TUBGCP5: variants seen among roughly 807,000 people sequenced by gnomAD.
The protein encoded by TUBGCP5 is gamma-tubulin complex component 5.
TUBGCP5 carries 98 observed loss-of-function variants against 134.7 expected under a neutral mutation model. That is an observed-to-expected ratio of 0.73 (90% CI 0.62 to 0.86). The LOEUF (loss-of-function observed/expected upper bound fraction) is 0.86. Among genes scored for constraint, TUBGCP5 ranks in the 40% least tolerant of loss-of-function variants. The probability of loss-of-function intolerance (pLI) is 0.00; values close to 1 mark genes in which losing one functional copy is unlikely to be tolerated. For missense variants in TUBGCP5, 1,150 were observed against 1,244.8 expected, an observed-to-expected ratio of 0.92 and a Z score of 1.15; for synonymous variants, 456 against 431.4, an observed-to-expected ratio of 1.06 and a Z score of -0.71.
intron 1 of TUBGCP5, 99 bp downstream of exon 1, chr15:23,039,299 C>T (rs2066781063): frequency 8.3e-7 from 1 of 1,207,632 alleles, no homozygotes; most frequent in East Asian, 3.5e-5. Context: ...GCCTCCGCCC[C>T]ATGCCCTGCC....
downstream of TUBGCP5, among the ~76,000 whole-genome samples, chr15:22,998,686 C>A (rs1567091709): frequency 6.6e-6 from 1 of 151,368 alleles, no homozygotes; most frequent in Non-Finnish European, 1.5e-5. Context: ...ACAATCTAGG[C>A]TCACCGCAAC....
At chr15:23,018,306 TAGA>T (rs1169383025) in intron 12 of TUBGCP5, among the ~76,000 whole-genome samples, 1 of 152,224 alleles carries the variant, frequency 6.6e-6, no homozygotes, top group Non-Finnish European at 1.5e-5. Flanking sequence ...TGGTCCTCTT[TAGA>T]AGAAGAATAA....
chr15:23,031,741 T>C (rs2066325076), intron 5 of TUBGCP5, among the ~76,000 whole-genome samples: 1 of 152,168 alleles, frequency 6.6e-6, no homozygotes, highest in Non-Finnish European at 1.5e-5. Flanking sequence ...AGATTACAGA[T>C]GTGAGCCACC....
downstream of TUBGCP5, among the ~76,000 whole-genome samples, chr15:22,994,331 C>T (rs2063973649): frequency 6.6e-6 from 1 of 150,392 alleles, no homozygotes; most frequent in Non-Finnish European, 1.5e-5. Flanking sequence ...CTCCAATAAT[C>T]CGCCTGCCTT....
intron 8 of TUBGCP5, 124 bp from the exon 9 acceptor site, chr15:23,024,954 T>C (rs1595888067): frequency 1.6e-6 from 1 of 617,312 alleles, no homozygotes; most frequent in Non-Finnish European, 2.9e-6. Context: ...CAGGCTGGAG[T>C]GCAGCAGCAT....
intron 23 of TUBGCP5, among the ~76,000 whole-genome samples, chr15:22,987,893 C>G (rs1767068010): frequency 1.3e-5 from 1 of 79,928 alleles, no homozygotes; most frequent in South Asian, 5.5e-4. Context: ...GAGACTCCAT[C>G]TCAAAAAAAA....
intron 10 of TUBGCP5, chr15:23,023,170 G>A (rs1450824092): frequency 1.3e-5 from 2 of 151,990 alleles, no homozygotes; most frequent in African/African-American, 4.8e-5. Context: ...TGTCTCTATT[G>A]AAAATACAAA....
intron 23 of TUBGCP5, among the ~76,000 whole-genome samples, chr15:22,989,978 C>A (rs1002448822): frequency 6.6e-6 from 1 of 152,186 alleles, no homozygotes; most frequent in Non-Finnish European, 1.5e-5. Context: ...GGATCTCTCA[C>A]CTCCTGCCCT....
intron 20 of TUBGCP5, among the ~76,000 whole-genome samples, chr15:23,003,779 A>C (rs2064541083): frequency 6.6e-6 from 1 of 151,780 alleles, no homozygotes; most frequent in African/African-American, 2.4e-5. Flanking sequence ...CAGCCTCCCA[A>C]GTAGCTGGGC....
chr15:23,039,474 G>T lies in TUBGCP5; in HGVS notation c.70C>A (p.Arg24=). 6.5e-7 allele frequency: 1 copy of T among 1,533,654 alleles called. No individual in the cohort carries two copies. The highest frequency in any genetic ancestry group is 1.2e-5 in the South Asian group (1 of 82,332). The change falls in exon 1 of 23, where the codon CGG becomes AGG. Residue 24 remains arginine (R), a synonymous_variant. Coordinates refer to ENST00000615383, the MANE Select transcript of TUBGCP5 (RefSeq NM_052903.6). ...QQERDVRELV[R]GVAGLQDEAD... ...TCGTCCTGGAGGCCGGCGACACCCC[G>T]GACGAGCTCCCGCACGTCGCGCTCC...
chr15:23,006,387 G>C, intron 16 of TUBGCP5, 35 bp from the exon 17 acceptor site: 1 of 1,467,158 alleles, frequency 6.8e-7, no homozygotes, highest in Non-Finnish European at 9.4e-7. Context: ...GTTTGTGAAA[G>C]CACTATGTCA....
In TUBGCP5 at chr15:23,013,747, C is replaced by T. The variant is rs576311507; in HGVS notation, c.1757-2416G>A. 5.3e-5 allele frequency among the ~76,000 whole-genome samples: 8 copies of T among 152,284 alleles called. No individual in the cohort carries two copies. The highest frequency in any genetic ancestry group is 3.9e-4 in the East Asian group (2 of 5,180). On this transcript the variant is annotated intron_variant, in intron 13 of 22. Coordinates refer to ENST00000615383, the MANE Select transcript of TUBGCP5 (RefSeq NM_052903.6). The surrounding 1 kb of genome is among the most constrained non-coding windows in gnomAD (Gnocchi z 4.5). Reference sequence around the variant, plus strand: ...GGGAATTCACGCAGCTGCCTTGCCCCGGGTTAGGGGCACAAGGTGTGCCTT... The same window carrying T: ...GGGAATTCACGCAGCTGCCTTGCCCTGGGTTAGGGGCACAAGGTGTGCCTT...
intron 4 of TUBGCP5, 83 bp from the exon 5 acceptor site, chr15:23,032,112 C>G (rs2066345031): frequency 7.6e-6 from 7 of 918,180 alleles, no homozygotes; most frequent in South Asian, 1.9e-5. Context: ...AAAAGACTAA[C>G]AAGACTCAAA....
At chr15:23,011,703 G>A (rs965843154) in intron 13 of TUBGCP5, among the ~76,000 whole-genome samples, 1 of 133,008 alleles carries the variant, frequency 7.5e-6, no homozygotes, top group Admixed American at 7.8e-5. Context: ...TACAGACGGG[G>A]TTTCACCATG....
intron 23 of TUBGCP5, among the ~76,000 whole-genome samples, chr15:22,992,011 C>T (rs1447576639): frequency 6.6e-6 from 1 of 152,240 alleles, no homozygotes; most frequent in East Asian, 1.9e-4. Flanking sequence ...ACAACAAAAC[C>T]AGTGATTGGA....
chr15:23,020,118 A>C (rs556999931), intron 11 of TUBGCP5, among the ~76,000 whole-genome samples: 56 of 151,828 alleles, frequency 3.7e-4, no homozygotes, highest in Non-Finnish European at 6.0e-4. Flanking sequence ...CTCTATTAAA[A>C]AAAAATACAG....
intron 14 of TUBGCP5, among the ~76,000 whole-genome samples, chr15:23,010,835 G>A (rs144529778): frequency 0.064 from 9,729 of 151,786 alleles, 405 homozygotes; most frequent in Non-Finnish European, 0.098. Flanking sequence ...AAAAATTAGC[G>A]GGGCATGGTG....
intron 15 of TUBGCP5, among the ~76,000 whole-genome samples, chr15:23,009,171 T>C (rs1038136237): frequency 2.0e-5 from 3 of 152,286 alleles, no homozygotes; most frequent in East Asian, 3.9e-4. Context: ...ATTTCCATCA[T>C]TAATATTTAA....
intron 23 of TUBGCP5, among the ~76,000 whole-genome samples, chr15:22,984,133 GAAATA>G (rs934347160): frequency 7.9e-5 from 12 of 151,800 alleles, no homozygotes; most frequent in South Asian, 4.2e-4. Context: ...AAAATAGAAC[GAAATA>G]AAATAAAATA....
Sources: gnomAD v4.1 joint callset for allele counts (sites outside exome capture counted in the v4.1 genomes callset) on GRCh38, gnomAD v4.1.1 for gene constraint, Gnocchi (gnomAD v3.1) non-coding constraint, MANE v1.5 for transcripts, NCBI Gene and HGNC (gene_info 2026-07-23, HGNC 2026-07-21) for gene names.